The following ENOX1 variants were observed in gnomAD, a reference collection of about 807,000 sequenced individuals.
The protein encoded by ENOX1 is ecto-NOX disulfide-thiol exchanger 1, also known as candidate growth-related and time keeping constitutive hydroquinone (NADH) oxidase.
A neutral mutation model predicts 82.5 loss-of-function variants in ENOX1; 42 were observed. That is an observed-to-expected ratio of 0.51 (90% confidence interval 0.40 to 0.66). The LOEUF is 0.66. ENOX1 is among the 30% of genes least tolerant of loss of function. The probability of loss-of-function intolerance (pLI) is 0.00; values close to 1 mark genes in which losing one functional copy is unlikely to be tolerated. For synonymous variants in ENOX1, 271 were observed against 282.2 expected (o/e 0.96, Z 0.40); for missense variants, 608 against 811.6 (o/e 0.75, Z 3.05).
intron 9 of ENOX1, among the ~76,000 whole-genome samples, chr13:43,335,725 G>A (rs2048662214): frequency 7.0e-6 from 1 of 142,306 alleles, no homozygotes; most frequent in Admixed American, 7.4e-5. Context: ...ATAATGATTT[G>A]ACTCAGTGTA....
chr13:43,436,619 CA>C (rs1035370916), intron 3 of ENOX1, among the ~76,000 whole-genome samples: 3 of 151,514 alleles, frequency 2.0e-5, no homozygotes, highest in African/African-American at 7.3e-5. Context: ...TGGCCAGCTG[CA>C]AAAAAAGTCA....
chr13:43,620,175 CTTTA>C (rs1193132964), intron 2 of ENOX1, among the ~76,000 whole-genome samples: 11 of 152,068 alleles, frequency 7.2e-5, no homozygotes, highest in African/African-American at 2.4e-4. Flanking sequence ...GGTCTATCAA[CTTTA>C]TTTATCTTTT....
chr13:43,706,943 A>G (rs191629243), intron 1 of ENOX1, among the ~76,000 whole-genome samples: 44 of 152,138 alleles, frequency 2.9e-4, no homozygotes, highest in African/African-American at 9.9e-4. Flanking sequence ...GAACAGAAGA[A>G]GTAAAACTGT....
At chr13:43,306,318 G>C (rs2046858732) in intron 11 of ENOX1, among the ~76,000 whole-genome samples, 2 of 152,064 alleles carry the variant, frequency 1.3e-5, no homozygotes, top group African/African-American at 4.8e-5. Context: ...TCTCAGGAGG[G>C]GGCACTTTTC....
At chr13:43,778,430 A>C (rs1952053285) in intron 1 of ENOX1, among the ~76,000 whole-genome samples, 1 of 152,184 alleles carries the variant, frequency 6.6e-6, no homozygotes, top group South Asian at 2.1e-4. Flanking sequence ...CCCCACCCCC[A>C]GCTACCACTC....
chr13:43,718,630 T>C (rs12873932), intron 1 of ENOX1, among the ~76,000 whole-genome samples: 57,148 of 135,134 alleles, frequency 0.42, 14,117 homozygotes, highest in Non-Finnish European at 0.56. Context: ...TGAGCCAAGA[T>C]AGTGCCACTG....
chr13:43,600,398 A>T (rs1397663165), intron 2 of ENOX1, among the ~76,000 whole-genome samples: 1 of 152,146 alleles, frequency 6.6e-6, no homozygotes, highest in Non-Finnish European at 1.5e-5. Context: ...GCCAGGCAGT[A>T]CTCACTGCAG....
chr13:43,504,401 A>T (rs1593525539), intron 2 of ENOX1, among the ~76,000 whole-genome samples: 2 of 151,972 alleles, frequency 1.3e-5, no homozygotes, highest in South Asian at 4.1e-4. Flanking sequence ...CACAATAGGC[A>T]AGATATAGAA....
intron 14 of ENOX1, among the ~76,000 whole-genome samples, chr13:43,247,882 TA>T (rs1294968043): frequency 2.1e-3 from 8 of 3,794 alleles, no homozygotes; most frequent in African/African-American, 3.8e-3. Context: ...TATATATATA[TA>T]TTTTTTTTTT....
intron 2 of ENOX1, among the ~76,000 whole-genome samples, chr13:43,624,139 C>T (rs1028169165): frequency 6.6e-5 from 10 of 152,104 alleles, no homozygotes; most frequent in African/African-American, 2.2e-4. Flanking sequence ...TATAGTGATA[C>T]TCATTGTGAT....
chr13:43,702,305 CAAATT>C (rs1429361066), intron 1 of ENOX1, among the ~76,000 whole-genome samples: 2 of 152,100 alleles, frequency 1.3e-5, no homozygotes, highest in Non-Finnish European at 2.9e-5. Flanking sequence ...AGTTCCAAAA[CAAATT>C]AAAAGGCAAA....
chr13:43,344,614 T>C lies in ENOX1; in HGVS notation c.960A>G (p.Glu320=). The change falls in exon 9 of 17, where the codon GAA becomes GAG. Residue 320 remains glutamate, a synonymous_variant. Transcript: ENST00000690772. Reference sequence around the variant, plus strand: ...CCATCTCTTGCTCATGGGTGGCTTTTTCATTCATTAGCCGGCGGACGTGGC... The same window carrying C: ...CCATCTCTTGCTCATGGGTGGCTTTCTCATTCATTAGCCGGCGGACGTGGC... ...ANSHVRRLMN[E]KATHEQEMEE... 2 of 1,614,216 alleles carry C rather than the reference T, an allele frequency of 1.2e-6. No individual in the cohort carries two copies. The highest frequency in any genetic ancestry group is 1.7e-6 in the Non-Finnish European group (2 of 1,180,046).
chr13:43,450,224 G>C (rs1172338452), intron 3 of ENOX1, among the ~76,000 whole-genome samples: 1 of 152,158 alleles, frequency 6.6e-6, no homozygotes. Context: ...GCCGTCCCCT[G>C]CCAGAAAATC....
intron 2 of ENOX1, among the ~76,000 whole-genome samples, chr13:43,649,905 G>T (rs956457456): frequency 2.6e-5 from 4 of 152,136 alleles, no homozygotes; most frequent in Non-Finnish European, 4.4e-5. Flanking sequence ...CCCCTCCTCA[G>T]TTACTCCCTC....
chr13:43,693,991 AAAGAAGT>A (rs1406598360), intron 1 of ENOX1, among the ~76,000 whole-genome samples: 1 of 152,206 alleles, frequency 6.6e-6, no homozygotes, highest in Non-Finnish European at 1.5e-5. Flanking sequence ...CCTGAGAACA[AAAGAAGT>A]AAAAGTTATT....
At chr13:43,297,843 C>A (rs1162620999) in intron 12 of ENOX1, among the ~76,000 whole-genome samples, 2 of 152,124 alleles carry the variant, frequency 1.3e-5, no homozygotes, top group African/African-American at 4.8e-5. Context: ...TCATGTATTC[C>A]ATCAACAAAC....
intron 11 of ENOX1, 24 bp downstream of exon 11, chr13:43,322,360 G>A (rs200057918): frequency 1.3e-6 from 2 of 1,564,748 alleles, no homozygotes; most frequent in East Asian, 4.5e-5. Flanking sequence ...TACCTCATGG[G>A]TCTGTGGCAG....
intron 2 of ENOX1, among the ~76,000 whole-genome samples, chr13:43,592,400 A>T (rs1190334619): frequency 6.6e-6 from 1 of 152,246 alleles, no homozygotes; most frequent in African/African-American, 2.4e-5. Context: ...TTATGGGAAC[A>T]TTCATGCAGC....
intron 3 of ENOX1, among the ~76,000 whole-genome samples, chr13:43,444,859 C>T (rs1014595688): frequency 6.6e-6 from 1 of 152,128 alleles, no homozygotes; most frequent in African/African-American, 2.4e-5. Flanking sequence ...TTGTTGGATC[C>T]ACGTGCCACC....
Sources: gnomAD v4.1 joint callset for allele counts (sites outside exome capture counted in the v4.1 genomes callset) on GRCh38, gnomAD v4.1.1 for gene constraint, MANE v1.5 for transcripts, NCBI Gene and HGNC (gene_info 2026-07-23, HGNC 2026-07-21) for gene names.